PTPRT: variants seen among roughly 807,000 people sequenced by gnomAD.
PTPRT encodes protein tyrosine phosphatase receptor type T.
PTPRT carries 56 observed loss-of-function variants against 176.8 expected under a neutral mutation model. The ratio of observed to expected loss-of-function variants is 0.32; its 90% CI spans 0.26 to 0.40. The LOEUF is 0.40. PTPRT is among the 10% of genes least tolerant of loss of function. The pLI is 1.00. For synonymous variants in PTPRT, 783 were observed against 739.0 expected, an observed-to-expected ratio of 1.06 and a Z score of -0.96; for missense variants, 1,540 against 1,908.2, an observed-to-expected ratio of 0.81 and a Z score of 3.60.
chr20:42,372,664 C>T (rs146364397), intron 9 of PTPRT, among the ~76,000 whole-genome samples: 1 of 152,228 alleles, frequency 6.6e-6, no homozygotes, highest in African/African-American at 2.4e-5. Context: ...CCCCCAAATT[C>T]ATACGTTGAA....
chr20:42,786,115 T>A (rs2077286306), intron 3 of PTPRT, among the ~76,000 whole-genome samples: 1 of 152,220 alleles, frequency 6.6e-6, no homozygotes, highest in Non-Finnish European at 1.5e-5. Flanking sequence ...ATGTAAGATG[T>A]GCCTGCTTCC....
chr20:42,620,410 C>A (rs972003202), intron 7 of PTPRT, among the ~76,000 whole-genome samples: 1 of 149,862 alleles, frequency 6.7e-6, no homozygotes, highest in Non-Finnish European at 1.5e-5. Context: ...CTGTGCCCTG[C>A]CCCCAGAGGT....
chr20:42,764,827 C>T (rs761965589), intron 5 of PTPRT, among the ~76,000 whole-genome samples: 1 of 152,172 alleles, frequency 6.6e-6, no homozygotes, highest in Non-Finnish European at 1.5e-5. Flanking sequence ...TTAGTTGCAG[C>T]GTGACCACTA....
chr20:42,942,235 T>C (rs1054650924), intron 1 of PTPRT, among the ~76,000 whole-genome samples: 5 of 152,176 alleles, frequency 3.3e-5, no homozygotes, highest in African/African-American at 1.2e-4. Flanking sequence ...TGTTATGCCA[T>C]GTCCATACTG....
intron 9 of PTPRT, among the ~76,000 whole-genome samples, chr20:42,382,727 G>A (rs146686214): frequency 2.9e-4 from 44 of 152,240 alleles, no homozygotes; most frequent in African/African-American, 1.0e-3. Context: ...AGGAACCAGA[G>A]CATGCTGTCA....
chr20:42,705,056 T>A (rs1189968260), intron 6 of PTPRT, among the ~76,000 whole-genome samples: 1 of 151,570 alleles, frequency 6.6e-6, no homozygotes, highest in Non-Finnish European at 1.5e-5. Context: ...AAATACAAAA[T>A]CAGCTGGGCA....
intron 27 of PTPRT, among the ~76,000 whole-genome samples, chr20:42,087,472 C>T (rs922953308): frequency 1.3e-5 from 2 of 151,700 alleles, no homozygotes; most frequent in African/African-American, 4.8e-5. Flanking sequence ...TGGTCTTGAT[C>T]TCCTGACCTC....
chr20:42,607,998 G>C (rs904168990), intron 7 of PTPRT, among the ~76,000 whole-genome samples: 1 of 152,144 alleles, frequency 6.6e-6, no homozygotes, highest in Admixed American at 6.5e-5. Flanking sequence ...GCATCTTCAT[G>C]TGCCACCCAA....
intron 12 of PTPRT, among the ~76,000 whole-genome samples, chr20:42,312,222 T>C (rs970995517): frequency 1.3e-5 from 2 of 152,212 alleles, no homozygotes; most frequent in Non-Finnish European, 2.9e-5. Context: ...AATTGCTCTG[T>C]GAATGATTTA....
At chr20:42,251,819 A>C (rs1334054398) in intron 13 of PTPRT, among the ~76,000 whole-genome samples, 1 of 152,144 alleles carries the variant, frequency 6.6e-6, no homozygotes, top group Non-Finnish European at 1.5e-5. Context: ...ATGAGTCCAC[A>C]CAGGATATTA....
intron 1 of PTPRT, among the ~76,000 whole-genome samples, chr20:42,997,239 TC>T (rs142045816): frequency 0.25 from 37,914 of 151,946 alleles, 5,251 homozygotes; most frequent in African/African-American, 0.38. Flanking sequence ...CTCATTCTCC[TC>T]CCCCTTGAAC....
intron 7 of PTPRT, among the ~76,000 whole-genome samples, chr20:42,566,657 A>G (rs1201899901): frequency 2.0e-5 from 3 of 152,206 alleles, no homozygotes; most frequent in African/African-American, 7.2e-5. Context: ...TGAGGATGTA[A>G]GTCAGGGCTG....
At chr20:42,673,636 G>C (rs2075449496) in intron 7 of PTPRT, among the ~76,000 whole-genome samples, 1 of 152,094 alleles carries the variant, frequency 6.6e-6, no homozygotes. Flanking sequence ...AGACATGAAG[G>C]AGCATTTTGG....
intron 8 of PTPRT, among the ~76,000 whole-genome samples, chr20:42,449,258 T>G (rs1311423124): frequency 6.6e-6 from 1 of 152,184 alleles, no homozygotes; most frequent in Non-Finnish European, 1.5e-5. Context: ...GTTGGATGAA[T>G]AGGTGAATGA....
chr20:43,161,159 G>A (rs1318612351), intron 1 of PTPRT, among the ~76,000 whole-genome samples: 1 of 152,226 alleles, frequency 6.6e-6, no homozygotes, highest in African/African-American at 2.4e-5. Flanking sequence ...TCCTGGAGCA[G>A]AGCCATTTCT....
intron 1 of PTPRT, among the ~76,000 whole-genome samples, chr20:42,939,658 G>GAGCT (rs1377123945): frequency 5.9e-5 from 9 of 152,048 alleles, no homozygotes; most frequent in Non-Finnish European, 1.0e-4. Flanking sequence ...GCTAAGAGCT[G>GAGCT]GGGCCATGGC....
chr20:42,473,468 T>C (rs143303088), intron 7 of PTPRT, among the ~76,000 whole-genome samples: 1 of 152,262 alleles, frequency 6.6e-6, no homozygotes, highest in Non-Finnish European at 1.5e-5. Flanking sequence ...GCATTTGTCT[T>C]TGGGGTGGCT....
intron 1 of PTPRT, among the ~76,000 whole-genome samples, chr20:43,041,562 T>G (rs2146213535): frequency 6.6e-6 from 1 of 152,326 alleles, no homozygotes; most frequent in Middle Eastern, 3.4e-3. Flanking sequence ...CAGCCTTGGG[T>G]GATGGCCATA....
At chr20:42,053,730 A>G in the PTPRT span, among the ~76,000 whole-genome samples, 50 of 152,302 alleles carry the variant, frequency 3.3e-4, no homozygotes, top group African/African-American at 1.2e-3. Flanking sequence ...GTCATTTGCA[A>G]CTTGAACCCA....
Sources: gnomAD v4.1 joint callset for allele counts (sites outside exome capture counted in the v4.1 genomes callset) on GRCh38, gnomAD v4.1.1 for gene constraint, MANE v1.5 for transcripts, NCBI Gene and HGNC (gene_info 2026-07-23, HGNC 2026-07-21) for gene names.